Variants in KAT14 observed in about 807,000 individuals in gnomAD.
KAT14 encodes lysine acetyltransferase 14.
KAT14 carries 66 observed loss-of-function variants against 78.4 expected under a neutral mutation model. The ratio of observed to expected loss-of-function variants is 0.84; its 90% CI spans 0.69 to 1.03. The LOEUF (loss-of-function observed/expected upper bound fraction) is 1.03, where lower values mean the gene tolerates loss of function less well. KAT14 is among the 50% of genes least tolerant of loss of function. The probability of loss-of-function intolerance (pLI) is 0.00; values close to 1 mark genes in which losing one functional copy is unlikely to be tolerated. For missense variants in KAT14, 870 were observed against 972.5 expected, an observed-to-expected ratio of 0.89 and a Z score of 1.40; for synonymous variants, 344 against 359.4, an observed-to-expected ratio of 0.96 and a Z score of 0.48.
chr20:18,148,861 C>G (rs2037930806), intron 3 of KAT14, among the ~76,000 whole-genome samples: 1 of 152,138 alleles, frequency 6.6e-6, no homozygotes, highest in African/African-American at 2.4e-5. Context: ...TCACCCACCT[C>G]AGCCTCCCAA....
In KAT14 at chr20:18,142,665, A is replaced by G; in HGVS notation, c.5A>G (p.Asp2Gly). ...CGAGCTTGTGAGAAGGAAGGGATGG[A>G]TAGTAGCATCCACCTGAGTAGTCTG... Reference protein sequence around the residue: MDSSIHLSSLIS... With the variant: MGSSIHLSSLIS... Residue 2 changes from aspartate to glycine, a missense_variant, in exon 2 of 11, where the codon GAT becomes GGT. Transcript: ENST00000688188. The G allele has an allele frequency of 6.2e-7, 1 of 1,614,142 alleles. No homozygotes were observed. The highest frequency in any genetic ancestry group is 8.5e-7 in the Non-Finnish European group (1 of 1,180,016).
chr20:18,179,773 C>T (rs1014091181), intron 7 of KAT14, among the ~76,000 whole-genome samples: 8 of 152,136 alleles, frequency 5.3e-5, no homozygotes, highest in African/African-American at 1.9e-4. Context: ...ATAGGTTTTT[C>T]TTTTCTACTG....
In KAT14 at chr20:18,161,844, C is replaced by T. The variant is rs1326587266; in HGVS notation, c.704C>T (p.Pro235Leu). Residue 235 changes from proline to leucine, a missense_variant, in exon 6 of 11, where the codon CCC (proline) becomes CTC (leucine). By Grantham distance (98) the Pro-to-Leu change is moderately conservative. Coordinates refer to ENST00000688188, the MANE Select transcript of KAT14 (RefSeq NM_001392073.1). ...KIKASKPTLD[P>L]IITVEGLRKR... Reference sequence around the variant, plus strand: ...GCAGCCTCAAAACCAACTTTAGATCCCATCATTACTGTTGAGGGACTTAGA... The same window carrying T: ...GCAGCCTCAAAACCAACTTTAGATCTCATCATTACTGTTGAGGGACTTAGA... 6.2e-7 allele frequency: 1 copy of T among 1,613,356 alleles called. No homozygotes were observed. Among genetic ancestry groups the T allele is most frequent in the East Asian group, 2.2e-5 (1 of 44,880 alleles).
rs1317450063 is a variant in KAT14 at position 18,162,241 on chromosome 20, T to G, written c.1099+2T>G. 1 of 1,613,866 alleles carries G rather than the reference T, an allele frequency of 6.2e-7. No individual in the cohort carries two copies. Among genetic ancestry groups the G allele is most frequent in the Admixed American group, 1.7e-5 (1 of 60,018 alleles). ...TGCCCCCACAAGCCTTGTTTCATGGTAAGAGTTTGTTTGCTTTGCTCTTTT... is the reference window on the plus strand; with the variant it reads ...TGCCCCCACAAGCCTTGTTTCATGGGAAGAGTTTGTTTGCTTTGCTCTTTT... On this transcript the variant is annotated splice_donor_variant, in intron 6 of 10. Transcript: ENST00000688188. LOFTEE classifies it high-confidence loss of function.
chr20:18,142,655 G>A lies in KAT14; in HGVS notation c.-6G>A. 1.9e-6 allele frequency: 3 copies of A among 1,613,968 alleles called. No homozygotes were observed. Among genetic ancestry groups the A allele is most frequent in the East Asian group, 2.2e-5 (1 of 44,872 alleles). On this transcript the variant is annotated 5_prime_UTR_variant, in exon 2 of 11. Coordinates refer to ENST00000688188, the MANE Select transcript of KAT14 (RefSeq NM_001392073.1). ...GAAGCACTGCCGAGCTTGTGAGAAGGAAGGGATGGATAGTAGCATCCACCT... is the reference window on the plus strand; with the variant it reads ...GAAGCACTGCCGAGCTTGTGAGAAGAAAGGGATGGATAGTAGCATCCACCT...
At chr20:18,146,914 C>T (rs1436285627) in intron 3 of KAT14, among the ~76,000 whole-genome samples, 1 of 151,982 alleles carries the variant, frequency 6.6e-6, no homozygotes. Flanking sequence ...ATACTGAGTA[C>T]CTGTTATGAA....
intron 8 of KAT14, 27 bp from the exon 9 acceptor site, chr20:18,183,096 A>G (rs754331357): frequency 3.8e-6 from 6 of 1,580,568 alleles, no homozygotes; most frequent in Middle Eastern, 1.7e-4. Flanking sequence ...CTTGACTTGA[A>G]TTTGTTTATC....
chr20:18,150,750 G>C, intron 3 of KAT14, 71 bp from the exon 4 acceptor site: 1 of 1,599,162 alleles, frequency 6.3e-7, no homozygotes. Context: ...AACAGAAGAA[G>C]CTTTTCCCCC....
chr20:18,166,550 T>C (rs2038648018), intron 7 of KAT14, among the ~76,000 whole-genome samples: 1 of 152,226 alleles, frequency 6.6e-6, no homozygotes, highest in African/African-American at 2.4e-5. Context: ...CTAACACTTA[T>C]GATTTATTCT....
intron 7 of KAT14, among the ~76,000 whole-genome samples, chr20:18,177,379 A>C (rs2039086331): frequency 6.6e-6 from 1 of 152,228 alleles, no homozygotes. Flanking sequence ...AAGTCCCAGA[A>C]AGTTATTTCT....
chr20:18,148,380 G>A (rs192577803), intron 3 of KAT14, among the ~76,000 whole-genome samples: 1 of 152,306 alleles, frequency 6.6e-6, no homozygotes, highest in Non-Finnish European at 1.5e-5. Flanking sequence ...ATTTGGGAAG[G>A]ATAGGGAAGT....
chr20:18,183,478 G>T, intron 9 of KAT14, 180 bp downstream of exon 9: 5 of 978,486 alleles, frequency 5.1e-6, no homozygotes, highest in Non-Finnish European at 6.1e-6. Flanking sequence ...TCTAGAAGAA[G>T]CCAGCAATAA....
chr20:18,150,639 AAC>A (rs745755798), intron 3 of KAT14, among the ~76,000 whole-genome samples, 180 bp from the exon 4 acceptor site: 6 of 152,208 alleles, frequency 3.9e-5, no homozygotes, highest in Non-Finnish European at 7.3e-5. Flanking sequence ...GTGATAATCT[AAC>A]GAAAGTAAAA....
intron 7 of KAT14, among the ~76,000 whole-genome samples, chr20:18,165,765 T>C (rs922937591): frequency 3.3e-5 from 5 of 152,168 alleles, no homozygotes; most frequent in South Asian, 2.1e-4. Context: ...GGCTGTGATG[T>C]ATACCAGAGA....
chr20:18,140,462 A>T (rs757130109), intron 1 of KAT14, among the ~76,000 whole-genome samples: 1 of 152,098 alleles, frequency 6.6e-6, no homozygotes, highest in Non-Finnish European at 1.5e-5. Flanking sequence ...CCACAAACAT[A>T]CGCAGGCCCT....
chr20:18,158,775 A>G (rs2038310525), intron 4 of KAT14, among the ~76,000 whole-genome samples: 2 of 152,198 alleles, frequency 1.3e-5, no homozygotes, highest in South Asian at 2.1e-4. Flanking sequence ...CATAATCGTG[A>G]TGATTGTGAT....
chr20:18,160,419 T>C (rs1262721662), intron 5 of KAT14, among the ~76,000 whole-genome samples: 3 of 152,196 alleles, frequency 2.0e-5, no homozygotes, highest in African/African-American at 7.2e-5. Flanking sequence ...ATTATGAGTT[T>C]TCCATTTTTG....
chr20:18,172,101 A>G (rs538818232), intron 7 of KAT14, among the ~76,000 whole-genome samples: 2 of 152,030 alleles, frequency 1.3e-5, no homozygotes, highest in East Asian at 3.9e-4. Flanking sequence ...ATATAGTGTC[A>G]ACTTTTTTTT....
At chr20:18,160,242 C>CA (rs2038370027) in intron 5 of KAT14, among the ~76,000 whole-genome samples, 1 of 152,082 alleles carries the variant, frequency 6.6e-6, no homozygotes, top group African/African-American at 2.4e-5. Context: ...GGAAGAAAAT[C>CA]AAATAGTACT....
Sources: allele counts gnomAD v4.1 joint callset (sites outside exome capture counted in the v4.1 genomes callset), GRCh38; gene constraint gnomAD v4.1.1; transcripts MANE v1.5; gene names NCBI Gene and HGNC (gene_info 2026-07-23, HGNC 2026-07-21).